RAB27A: variants seen among roughly 807,000 people sequenced by gnomAD.
RAB27A encodes the protein ras-related protein Rab-27A.
Under a neutral mutation model 20.8 loss-of-function variants are expected in RAB27A, and 17 were observed. That is an observed-to-expected ratio of 0.82 (90% CI 0.56 to 1.23). RAB27A has a LOEUF of 1.23. Ranked by LOEUF, RAB27A falls within the 50% of genes most tolerant of loss-of-function variation. The pLI, the probability that RAB27A is intolerant of heterozygous loss-of-function variation, is 0.00. For synonymous variants in RAB27A, 85 were observed against 92.8 expected, an observed-to-expected ratio of 0.92 and a Z score of 0.48; for missense variants, 277 against 266.7, an observed-to-expected ratio of 1.04 and a Z score of -0.27.
At chr15:55,234,649 T>C in intron 3 of RAB27A, 133 bp downstream of exon 3, 1 of 978,492 alleles carries the variant, frequency 1.0e-6, no homozygotes, top group Non-Finnish European at 1.6e-6. Context: ...GGATTGAACA[T>C]AACTCACTTT....
At chr15:55,276,431 C>A (rs1303311730) in intron 1 of RAB27A, among the ~76,000 whole-genome samples, 1 of 152,112 alleles carries the variant, frequency 6.6e-6, no homozygotes, top group African/African-American at 2.4e-5. Context: ...ACTCTCCAAG[C>A]ATGGTGGCCA....
upstream of RAB27A, chr15:55,290,314 G>GC (rs1443768231): frequency 6.6e-6 from 1 of 152,208 alleles, no homozygotes; most frequent in Non-Finnish European, 1.5e-5. Flanking sequence ...GCCCGGCCCT[G>GC]CCCCCGGCTT....
At chr15:55,313,789 T>A (rs543236053) in intron 2 of RAB27A, among the ~76,000 whole-genome samples, 1 of 151,950 alleles carries the variant, frequency 6.6e-6, no homozygotes, top group Non-Finnish European at 1.5e-5. Context: ...CTGGCTGACA[T>A]GGTGAAGCCC....
rs140675482 is a variant in RAB27A, at chr15:55,232,706, G to T, written c.153+2076C>A. On this transcript the variant is annotated intron_variant, in intron 3 of 6. Transcript: ENST00000336787. Reference sequence around the variant, plus strand: ...TCAAGACTAAGCTGAAAGGAAACTAGACAGTAACTTAAATCCACACAAAGA... The same window carrying T: ...TCAAGACTAAGCTGAAAGGAAACTATACAGTAACTTAAATCCACACAAAGA... Among the ~76,000 whole-genome samples the T allele has an allele frequency of 4.0e-3, 608 of 152,278 alleles. 1 individual carries two copies. The highest frequency in any genetic ancestry group is 6.4e-3 in the Non-Finnish European group (438 of 68,026).
intron 6 of RAB27A, chr15:55,206,141 G>T: frequency 6.0e-6 from 1 of 165,414 alleles, no homozygotes; most frequent in Non-Finnish European, 1.2e-5. Flanking sequence ...AACCTGGGAG[G>T]CAGAGGTTGC....
chr15:55,292,377 A>T (rs1184402533), upstream of RAB27A, among the ~76,000 whole-genome samples: 1 of 152,242 alleles, frequency 6.6e-6, no homozygotes, highest in Non-Finnish European at 1.5e-5. Context: ...AGCCAGGCCT[A>T]AAACTCAGAA....
intron 2 of RAB27A, among the ~76,000 whole-genome samples, chr15:55,303,062 C>T (rs546315709): frequency 2.0e-5 from 3 of 146,406 alleles, no homozygotes; most frequent in South Asian, 2.2e-4. Flanking sequence ...CCCGGCCAGC[C>T]GCGCCATCCG....
At chr15:55,305,005 T>C (rs2054991238) in intron 2 of RAB27A, among the ~76,000 whole-genome samples, 1 of 152,244 alleles carries the variant, frequency 6.6e-6, no homozygotes, top group South Asian at 2.1e-4. Context: ...CTTCCCACTG[T>C]GCTCTCAGGC....
upstream of RAB27A, among the ~76,000 whole-genome samples, chr15:55,294,716 A>C (rs2054940562): frequency 1.3e-5 from 2 of 152,152 alleles, no homozygotes; most frequent in South Asian, 4.1e-4. Flanking sequence ...TATAAGAACT[A>C]AAACTCTAAA....
chr15:55,291,418 G>C (rs113936703), upstream of RAB27A, among the ~76,000 whole-genome samples: 17 of 151,344 alleles, frequency 1.1e-4, no homozygotes, highest in African/African-American at 3.6e-4. Flanking sequence ...GCTGAGGGCA[G>C]GAGAATCGCT....
At chr15:55,222,859 G>A (rs1390427606) in intron 6 of RAB27A, among the ~76,000 whole-genome samples, 1 of 152,102 alleles carries the variant, frequency 6.6e-6, no homozygotes, top group Non-Finnish European at 1.5e-5. Flanking sequence ...TTAAGGGTTT[G>A]AATTTACATA....
At chr15:55,288,120 A>G (rs1381045451) in intron 1 of RAB27A, among the ~76,000 whole-genome samples, 1 of 152,234 alleles carries the variant, frequency 6.6e-6, no homozygotes, top group Admixed American at 6.5e-5. Flanking sequence ...AATGAAATGT[A>G]AGAGCTAAAA....
chr15:55,237,008 G>A (rs1281485521), intron 2 of RAB27A, among the ~76,000 whole-genome samples: 2 of 152,008 alleles, frequency 1.3e-5, no homozygotes, highest in East Asian at 3.9e-4. Flanking sequence ...CCCCGCCAAT[G>A]CCAATAAACT....
At chr15:55,229,234 A>G (rs957322468) in intron 4 of RAB27A, among the ~76,000 whole-genome samples, 2 of 150,894 alleles carry the variant, frequency 1.3e-5, no homozygotes, top group African/African-American at 4.9e-5. Flanking sequence ...ACCCCACCCT[A>G]TCACCAGTCA....
In RAB27A at chr15:55,262,366, C is replaced by T. The variant is rs1897300917; in HGVS notation, c.-23+7799G>A. Among the ~76,000 whole-genome samples, 4 of 151,730 alleles carry T rather than the reference C, an allele frequency of 2.6e-5. No homozygotes were observed. The South Asian group carries it at 8.3e-4, about 32-fold the overall frequency. Reference sequence around the variant, plus strand: ...ACCATCCTGGCTAACACAGTGAAACCTCGTCTCTACTCAAAATACAAAAAA... The same window carrying T: ...ACCATCCTGGCTAACACAGTGAAACTTCGTCTCTACTCAAAATACAAAAAA... On this transcript the variant is annotated intron_variant, in intron 2 of 6. Transcript: ENST00000336787.
chr15:55,302,413 T>A (rs1050641973), intron 2 of RAB27A, among the ~76,000 whole-genome samples: 2 of 151,970 alleles, frequency 1.3e-5, no homozygotes, highest in Non-Finnish European at 2.9e-5. Flanking sequence ...TGGCATGATC[T>A]CGGCTCACTA....
chr15:55,255,527 T>C (rs1897047599), intron 2 of RAB27A, among the ~76,000 whole-genome samples: 1 of 152,244 alleles, frequency 6.6e-6, no homozygotes, highest in South Asian at 2.1e-4. Flanking sequence ...TATCATCTGC[T>C]TTCTCTAATA....
At chr15:55,231,136 C>A (rs2140980480) in intron 3 of RAB27A, among the ~76,000 whole-genome samples, 1 of 152,276 alleles carries the variant, frequency 6.6e-6, no homozygotes, top group Middle Eastern at 3.4e-3. Context: ...CATGTTGCTG[C>A]AAAAGACATA....
In RAB27A at chr15:55,311,177, C is replaced by T. The variant is rs797008306; in HGVS notation, c.-112+2862G>A. ...CTCTCAGGCTGCAGTTATGGCAGCA[C>T]TTCTCTCATTTGGAGCTAGTGTCTG... is the stretch of plus-strand genomic sequence containing the variant. On this transcript the variant is annotated intron_variant, in intron 2 of 5. Coordinates refer to the RAB27A transcript ENST00000563262. Among the ~76,000 whole-genome samples, 15 of 152,300 alleles carry T rather than the reference C, an allele frequency of 9.8e-5. 1 individual carries two copies. Among genetic ancestry groups the T allele is most frequent in the African/African-American group, 3.6e-4 (15 of 41,562 alleles).
Sources: allele counts gnomAD v4.1 joint callset (sites outside exome capture counted in the v4.1 genomes callset), GRCh38; gene constraint gnomAD v4.1.1; transcripts MANE v1.5; gene names NCBI Gene and HGNC (gene_info 2026-07-23, HGNC 2026-07-21).